DYNC2I1: variants seen among roughly 807,000 people sequenced by gnomAD.
The protein encoded by DYNC2I1 is cytoplasmic dynein 2 intermediate chain 1.
In DYNC2I1, 89 loss-of-function variants were observed where a neutral mutation model predicts 133.4. That is an observed-to-expected ratio of 0.67 (90% CI 0.56 to 0.80). DYNC2I1 has a LOEUF of 0.80. DYNC2I1 is among the 30% of genes least tolerant of loss of function. The probability of loss-of-function intolerance (pLI) is 0.00; values close to 1 mark genes in which losing one functional copy is unlikely to be tolerated. For synonymous variants in DYNC2I1, 504 were observed against 484.3 expected (o/e 1.04, Z -0.54); for missense variants, 1,291 against 1,314.5 (o/e 0.98, Z 0.28).
At chr7:158,893,255 T>C (rs1412961474) in intron 8 of DYNC2I1, among the ~76,000 whole-genome samples, 1 of 152,168 alleles carries the variant, frequency 6.6e-6, no homozygotes, top group Non-Finnish European at 1.5e-5. Context: ...TTCCCCCTTA[T>C]TCATGGTAAT....
intron 21 of DYNC2I1, among the ~76,000 whole-genome samples, chr7:158,932,438 C>A (rs1850310533): frequency 6.6e-6 from 1 of 151,492 alleles, no homozygotes; most frequent in South Asian, 2.1e-4. Flanking sequence ...GGCAGGTGAG[C>A]CAGGCCCTAA....
intron 23 of DYNC2I1, among the ~76,000 whole-genome samples, chr7:158,940,838 AAGAG>A (rs762861948): frequency 1.8e-4 from 27 of 152,336 alleles, no homozygotes; most frequent in Admixed American, 5.2e-4. Context: ...AAGCAATACT[AAGAG>A]AGAAGTTGAT....
intron 20 of DYNC2I1, among the ~76,000 whole-genome samples, chr7:158,928,241 G>A (rs1849819054): frequency 6.6e-6 from 1 of 152,180 alleles, no homozygotes; most frequent in East Asian, 1.9e-4. Context: ...CAGTCCTGTT[G>A]TGTTCTGTGG....
the DYNC2I1 span, among the ~76,000 whole-genome samples, chr7:158,840,572 A>T: frequency 6.6e-6 from 1 of 152,240 alleles, no homozygotes; most frequent in African/African-American, 2.4e-5. Context: ...GTCTAAAAAA[A>T]TGGTTTTGAT....
intron 4 of DYNC2I1, among the ~76,000 whole-genome samples, chr7:158,877,124 C>T (rs1029382030): frequency 3.3e-5 from 5 of 152,222 alleles, no homozygotes; most frequent in African/African-American, 7.2e-5. Flanking sequence ...TTTCAGTGAG[C>T]GTGCAACTTG....
In DYNC2I1 at chr7:158,901,778, G is replaced by A. The variant is rs761905813; in HGVS notation, c.1099G>A (p.Ala367Thr). The A allele has an allele frequency of 1.8e-5, 29 of 1,583,698 alleles. 1 individual carries two copies. In the South Asian group the frequency reaches 2.9e-4, roughly 16 times the overall value. ...AGAAACTGATTTAGAAAATGCTAGAGCTGATGCATATACAGCCAGTTGTGA... is the reference window on the plus strand; with the variant it reads ...AGAAACTGATTTAGAAAATGCTAGAACTGATGCATATACAGCCAGTTGTGA... ...KEETDLENAR[A>T]DAYTASCEDD... The change falls in exon 9 of 25, where the codon GCT (alanine) becomes ACT (threonine). Residue 367 changes from alanine (A) to threonine (T), a missense_variant. Ala to Thr is a moderately conservative substitution (Grantham distance 58, BLOSUM62 0). Transcript: ENST00000407559.
At chr7:158,921,813 C>T (rs759597459) in intron 15 of DYNC2I1, among the ~76,000 whole-genome samples, 1 of 152,222 alleles carries the variant, frequency 6.6e-6, no homozygotes, top group Non-Finnish European at 1.5e-5. Context: ...GACTTCCTAT[C>T]CTCCTGTTTC....
At chr7:158,852,908 G>A (rs902698433), upstream of DYNC2I1, among the ~76,000 whole-genome samples, 1 of 152,188 alleles carries the variant, frequency 6.6e-6, no homozygotes, top group Non-Finnish European at 1.5e-5. Flanking sequence ...CTAAAACCAA[G>A]ATTACAGTAG....
At chr7:158,869,688 TA>T (rs1343205364) in intron 1 of DYNC2I1, among the ~76,000 whole-genome samples, 166 bp from the exon 2 acceptor site, 1 of 152,244 alleles carries the variant, frequency 6.6e-6, no homozygotes, top group Admixed American at 6.5e-5. Flanking sequence ...GAATAATTTT[TA>T]AAAATCTGTA....
At chr7:158,940,584 A>C (rs964387160) in intron 23 of DYNC2I1, among the ~76,000 whole-genome samples, 4 of 152,214 alleles carry the variant, frequency 2.6e-5, no homozygotes, top group African/African-American at 9.6e-5. Flanking sequence ...ACCATATCTT[A>C]GGCCCCAGAC....
At chr7:158,926,592 T>C in intron 19 of DYNC2I1, 129 bp downstream of exon 19, 1 of 1,063,678 alleles carries the variant, frequency 9.4e-7, no homozygotes, top group Non-Finnish European at 1.4e-6. Context: ...AGACTGGGCT[T>C]CTTGGTCCTG....
chr7:158,841,158 A>AATATATATAT, the DYNC2I1 span, among the ~76,000 whole-genome samples: 1 of 66,496 alleles, frequency 1.5e-5, no homozygotes, highest in Non-Finnish European at 2.9e-5. Context: ...TAGGTCTGCA[A>AATATATATAT]ATATATATAT....
At chr7:158,940,493 C>T (rs558277767) in intron 23 of DYNC2I1, among the ~76,000 whole-genome samples, 3 of 152,158 alleles carry the variant, frequency 2.0e-5, no homozygotes, top group East Asian at 3.9e-4. Context: ...CCAAATAGGC[C>T]TAACATTTAC....
In DYNC2I1 at chr7:158,886,914, A is replaced by T. The variant is rs538756686; in HGVS notation, c.936-107A>T. ...TCGCTCCTGGTTGTAGTAGTTCTTA[A>T]TCATATCAAAATATTGTTAAGAGCT... On this transcript the variant is annotated intron_variant, in intron 6 of 24. Transcript: ENST00000407559. 2.1e-5 allele frequency: 22 copies of T among 1,061,998 alleles called. No individual in the cohort carries two copies. In the South Asian group the frequency reaches 2.8e-4, roughly 14 times the overall value. The allele number at this position is 1,061,998 out of a possible 1,614,324, so 65.8% of individuals were successfully genotyped here.
intron 8 of DYNC2I1, among the ~76,000 whole-genome samples, chr7:158,892,663 G>A (rs1585057472): frequency 6.6e-6 from 1 of 151,848 alleles, no homozygotes; most frequent in African/African-American, 2.4e-5. Flanking sequence ...TGAGAGGAAG[G>A]GGCCAGGTGT....
intron 23 of DYNC2I1, among the ~76,000 whole-genome samples, chr7:158,939,640 TA>T (rs1851126047): frequency 6.6e-6 from 1 of 152,100 alleles, no homozygotes; most frequent in Non-Finnish European, 1.5e-5. Context: ...TCACTGAATG[TA>T]AATGGTCTCA....
chr7:158,888,990 A>G (rs562186125), intron 7 of DYNC2I1, among the ~76,000 whole-genome samples: 2 of 151,690 alleles, frequency 1.3e-5, no homozygotes, highest in East Asian at 1.9e-4. Flanking sequence ...TTATAATCAT[A>G]TATTGGTATG....
Position 158,857,813 on chromosome 7 carries a change from A to ATT in DYNC2I1, c.15+1063_15+1064insTT, listed in dbSNP as rs1841443083. Among the ~76,000 whole-genome samples, 4 of 145,078 alleles carry ATT rather than the reference A, an allele frequency of 2.8e-5. No homozygotes were observed. The South Asian group carries it at 8.8e-4, about 32-fold the overall frequency. Reference sequence around the variant, plus strand: ...GGCCTTTTTTTTTTTTTTTTTTTAAAGATAATTCCCCTTGTCGCCCAGGCT... The same window carrying ATT: ...GGCCTTTTTTTTTTTTTTTTTTTAAATTGATAATTCCCCTTGTCGCCCAGGCT... On this transcript the variant is annotated intron_variant, in intron 1 of 24. Transcript: ENST00000407559.
chr7:158,880,541 C>T (rs932873665), intron 5 of DYNC2I1, among the ~76,000 whole-genome samples: 5 of 151,988 alleles, frequency 3.3e-5, no homozygotes, highest in South Asian at 2.1e-4. Context: ...ACCTGGGTGA[C>T]GGAGTGAGAC....
Sources: allele counts gnomAD v4.1 joint callset (sites outside exome capture counted in the v4.1 genomes callset), GRCh38; gene constraint gnomAD v4.1.1; transcripts MANE v1.5; gene names NCBI Gene and HGNC (gene_info 2026-07-23, HGNC 2026-07-21).